Variants in HNRNPR observed in about 807,000 individuals in gnomAD.
HNRNPR encodes heterogeneous nuclear ribonucleoprotein R.
Under a neutral mutation model 70.3 loss-of-function variants are expected in HNRNPR, and 4 were observed. That is an observed-to-expected ratio of 0.06 (90% CI 0.03 to 0.13). The LOEUF is 0.13. Among genes scored for constraint, HNRNPR ranks in the 10% least tolerant of loss-of-function variants. The pLI is 1.00. For missense variants in HNRNPR, 423 were observed against 788.5 expected, an observed-to-expected ratio of 0.54 and a Z score of 5.55; for synonymous variants, 241 against 267.6, an observed-to-expected ratio of 0.90 and a Z score of 0.97.
chr1:23,327,860 T>A (rs1314379769), intron 5 of HNRNPR, among the ~76,000 whole-genome samples: 5 of 151,024 alleles, frequency 3.3e-5, no homozygotes, highest in Non-Finnish European at 7.4e-5. Flanking sequence ...GAAAATTAAG[T>A]AAAAACCTGA....
At chr1:23,323,848 G>C in intron 5 of HNRNPR, 116 bp from the exon 6 acceptor site, 2 of 759,450 alleles carry the variant, frequency 2.6e-6, no homozygotes, top group Non-Finnish European at 4.5e-6. Context: ...AGAAAGAATG[G>C]AAACAATCTG....
At chr1:23,343,965 G>A (rs1646810708) in intron 1 of HNRNPR, among the ~76,000 whole-genome samples, 2 of 152,142 alleles carry the variant, frequency 1.3e-5, no homozygotes, top group Non-Finnish European at 2.9e-5. Context: ...CGCGCGGAGA[G>A]CGCCCAGCGG....
At chr1:23,314,094 G>A (rs1390487953) in intron 8 of HNRNPR, among the ~76,000 whole-genome samples, 1 of 151,940 alleles carries the variant, frequency 6.6e-6, no homozygotes, top group Non-Finnish European at 1.5e-5. Context: ...GGAAAAAAAA[G>A]AGTGAAATTT....
At position 23,308,453 on chromosome 1, in the gene HNRNPR, G is replaced by C. The variant is rs1645238817; in HGVS notation, c.*2001C>G. ...TCAGGGTTTTACTTAAGTCTAATTA[G>C]ATGTATAGTTACAACTTCAAATTGT... On this transcript the variant is annotated 3_prime_UTR_variant, in exon 11 of 11. Coordinates refer to ENST00000302271, the MANE Select transcript of HNRNPR (RefSeq NM_005826.5). The C allele has an allele frequency of 6.6e-6, 1 of 151,950 alleles. No homozygotes were observed. Among genetic ancestry groups the C allele is most frequent in the African/African-American group, 2.4e-5 (1 of 41,374 alleles). The allele number at this position is 151,950 out of a possible 1,614,324, so 9.4% of individuals were successfully genotyped here. A position where few individuals can be genotyped will look rare whatever the true frequency, so the allele number is the denominator to read the frequency against.
At chr1:23,332,891 C>A (rs1182599486) in intron 5 of HNRNPR, among the ~76,000 whole-genome samples, 7 of 129,914 alleles carry the variant, frequency 5.4e-5, no homozygotes, top group African/African-American at 1.9e-4. Context: ...AAAGCAAAAA[C>A]CAAAAAAAGC....
At position 23,310,601 on chromosome 1, in the gene HNRNPR, A is replaced by T. The variant is rs1162657063; in HGVS notation, c.1755T>A (p.Arg585=). Residue 585 remains arginine (R), a synonymous_variant, in exon 11 of 11, where the codon CGT becomes CGA. Transcript: ENST00000302271. This position sits in a 1 kb window ranked among gnomAD's most constrained non-coding sequence, Gnocchi z 6.0. Reference sequence around the variant, plus strand: ...AGTTCTGTTGGTTGTTGGTCTGACGACGCTTGGAATCAGGCTGGTTGTACC... The same window carrying T: ...AGTTCTGTTGGTTGTTGGTCTGACGTCGCTTGGAATCAGGCTGGTTGTACC... ...ADGYNQPDSK[R]RQTNNQQNWG... The T allele has an allele frequency of 6.2e-7, 1 of 1,614,142 alleles. No individual in the cohort carries two copies. The highest frequency in any genetic ancestry group is 1.7e-5 in the Admixed American group (1 of 60,028).
At position 23,307,233 on chromosome 1, in the gene HNRNPR, C is replaced by T. The variant is rs1037904632; in HGVS notation, c.*3221G>A. The T allele has an allele frequency of 2.0e-5, 3 of 152,046 alleles. No homozygotes were observed. In the East Asian group the frequency reaches 5.8e-4, roughly 29 times the overall value. The allele number at this position is 152,046 out of a possible 1,614,324, so 9.4% of individuals were successfully genotyped here. A position where few individuals can be genotyped will look rare whatever the true frequency, so the allele number is the denominator to read the frequency against. ...TTTTACAAATGCACAATTAATAAAA[C>T]GTAGGTATGATTATATTCAAATGGG... On this transcript the variant is annotated 3_prime_UTR_variant, in exon 11 of 11. Transcript: ENST00000302271.
chr1:23,310,911 T>G lies in HNRNPR; in HGVS notation c.1445A>C (p.Tyr482Ser). 6.2e-7 allele frequency: 1 copy of G among 1,614,148 alleles called. No individual in the cohort carries two copies. The highest frequency in any genetic ancestry group is 8.5e-7 in the Non-Finnish European group (1 of 1,180,032). Residue 482 changes from tyrosine (Y) to serine (S), a missense_variant, in exon 11 of 11, where the codon TAT becomes TCT. Tyr to Ser is a moderately radical substitution (Grantham distance 144, BLOSUM62 -2). Coordinates refer to ENST00000302271, the MANE Select transcript of HNRNPR (RefSeq NM_005826.5). The surrounding 1 kb of genome is among the most constrained non-coding windows in gnomAD (Gnocchi z 6.0). Reference sequence around the variant, plus strand: ...GTAGGGATCTTCATAGCCTCCACGATAGTCGTGATAATCATAACCATAGTA... The same window carrying G: ...GTAGGGATCTTCATAGCCTCCACGAGAGTCGTGATAATCATAACCATAGTA... ...DDYYGYDYHD[Y>S]RGGYEDPYYG...
At position 23,315,297 on chromosome 1, in the gene HNRNPR, AAAAAAAAAC is replaced by A. The variant is rs1304514935; in HGVS notation, c.1018-1604_1018-1596del. On this transcript the variant is annotated intron_variant, in intron 8 of 10. Transcript: ENST00000302271. ...TCCGTCTCAAAAAAAAAAAAAAAAA[AAAAAAAAAC>A]AAAAACCCAAAAAATGAAGAGGAGC... 3.8e-4 allele frequency among the ~76,000 whole-genome samples: 48 copies of A among 125,056 alleles called. 2 individuals are homozygous for A. Among genetic ancestry groups the A allele is most frequent in the African/African-American group, 1.2e-3 (48 of 38,416 alleles). 82.0% of individuals were successfully genotyped at this position (125,056 alleles called of 152,430 possible). A position where few individuals can be genotyped will look rare whatever the true frequency, so the allele number is the denominator to read the frequency against.
At chr1:23,331,834 TAAA>T (rs59006948) in intron 5 of HNRNPR, among the ~76,000 whole-genome samples, 3,633 of 59,058 alleles carry the variant, frequency 0.062, 295 homozygotes, top group African/African-American at 0.16. Context: ...ACTGTTTCTT[TAAA>T]AAAAAAAAAA....
In HNRNPR at chr1:23,318,762, C is replaced by T. The variant is rs747192453; in HGVS notation, c.812-74G>A. On this transcript the variant is annotated intron_variant, in intron 7 of 10. Transcript: ENST00000302271. This position sits in a 1 kb window ranked among gnomAD's most constrained non-coding sequence, Gnocchi z 4.2. ...TCTAGCGATTAGGCAGACCTAAATC[C>T]ACTTGACGATGAGCAAAATATAAGT... 132 of 1,449,084 alleles carry T rather than the reference C, an allele frequency of 9.1e-5. No homozygotes were observed. Among genetic ancestry groups the T allele is most frequent in the South Asian group, 2.4e-4 (20 of 82,638 alleles). 89.8% of individuals were successfully genotyped at this position (1,449,084 alleles called of 1,614,324 possible).
At chr1:23,339,068 A>G (rs1353487119) in intron 2 of HNRNPR, among the ~76,000 whole-genome samples, 1 of 152,250 alleles carries the variant, frequency 6.6e-6, no homozygotes, top group African/African-American at 2.4e-5. Flanking sequence ...GGAAAATCTG[A>G]AAACAAATTT....
At chr1:23,319,844 T>G (rs913597577) in intron 7 of HNRNPR, among the ~76,000 whole-genome samples, 2 of 152,196 alleles carry the variant, frequency 1.3e-5, no homozygotes, top group Non-Finnish European at 2.9e-5. Flanking sequence ...TGGCACGTGT[T>G]GCTGTCTTGG....
At position 23,318,025 on chromosome 1, in the gene HNRNPR, C is replaced by CAAAAAAAGCTT. The variant is rs1307298561; in HGVS notation, c.1017+447_1017+457dup. On this transcript the variant is annotated intron_variant, in intron 8 of 10. Transcript: ENST00000302271. This position sits in a 1 kb window ranked among gnomAD's most constrained non-coding sequence, Gnocchi z 4.2. ...AAAATATTTTTAAAAATAAAAACTA[C>CAAAAAAAGCTT]AAAAAAAGCTTAAAAAAAGAAAAAT... Among the ~76,000 whole-genome samples, 1 of 148,808 alleles carries CAAAAAAAGCTT rather than the reference C, an allele frequency of 6.7e-6. No individual in the cohort carries two copies. The highest frequency in any genetic ancestry group is 1.5e-5 in the Non-Finnish European group (1 of 67,662).
At position 23,323,746 on chromosome 1, in the gene HNRNPR, C is replaced by T. The variant is rs1443381129; in HGVS notation, c.499-14G>A. 6.2e-7 allele frequency: 1 copy of T among 1,609,900 alleles called. No homozygotes were observed. The highest frequency in any genetic ancestry group is 1.7e-5 in the Admixed American group (1 of 59,918). ...GCCTACAAATACCTGAAATAAAACC[C>T]CCTTATTAGAATCCAACATAAGCAT... On this transcript the variant is annotated splice_polypyrimidine_tract_variant and intron_variant, in intron 5 of 10. Transcript: ENST00000302271.
At chr1:23,335,886 G>T (rs1570099603) in intron 4 of HNRNPR, among the ~76,000 whole-genome samples, 1 of 150,406 alleles carries the variant, frequency 6.6e-6, no homozygotes, top group South Asian at 2.1e-4. Flanking sequence ...GGGAGGCTGA[G>T]GCGGGCGGAT....
intron 7 of HNRNPR, 88 bp downstream of exon 7, chr1:23,321,440 A>C (rs1264909170): frequency 9.1e-7 from 1 of 1,093,406 alleles, no homozygotes; most frequent in Non-Finnish European, 1.3e-6. Flanking sequence ...TCTTAATTTA[A>C]TACATACAAC....
chr1:23,322,899 T>G (rs1485801391), intron 6 of HNRNPR, among the ~76,000 whole-genome samples: 1 of 152,186 alleles, frequency 6.6e-6, no homozygotes, highest in Admixed American at 6.5e-5. Flanking sequence ...TACATTTGAT[T>G]TGCAGAACTT....
Position 23,304,843 on chromosome 1 carries a change from A to G in HNRNPR, c.*5611T>C, listed in dbSNP as rs896107442. On this transcript the variant is annotated 3_prime_UTR_variant, in exon 11 of 11. Transcript: ENST00000302271. ...AAATGTCCCTATTTTGGTATTTCTT[A>G]TGTTACTATATCCATATCAGCAATT... 6.6e-6 allele frequency: 1 copy of G among 152,168 alleles called. No individual in the cohort carries two copies. Among genetic ancestry groups the G allele is most frequent in the African/African-American group, 2.4e-5 (1 of 41,424 alleles). 9.4% of individuals were successfully genotyped at this position (152,168 alleles called of 1,614,324 possible). A position where few individuals can be genotyped will look rare whatever the true frequency, so the allele number is the denominator to read the frequency against.
Sources: gnomAD v4.1 joint callset for allele counts (sites outside exome capture counted in the v4.1 genomes callset) on GRCh38, gnomAD v4.1.1 for gene constraint, Gnocchi (gnomAD v3.1) non-coding constraint, MANE v1.5 for transcripts, NCBI Gene and HGNC (gene_info 2026-07-23, HGNC 2026-07-21) for gene names.